Variants in CC2D2B observed in about 807,000 individuals in gnomAD.
CC2D2B encodes protein CC2D2B.
CC2D2B carries 128 observed loss-of-function variants against 161.2 expected under a neutral mutation model. That is an observed-to-expected ratio of 0.79 (90% CI 0.69 to 0.92). The LOEUF is 0.92. Among genes scored for constraint, CC2D2B ranks in the 40% least tolerant of loss-of-function variants. The pLI is 0.00. For synonymous variants in CC2D2B, 391 were observed against 449.8 expected, an observed-to-expected ratio of 0.87 and a Z score of 1.65; for missense variants, 1,173 against 1,375.1, an observed-to-expected ratio of 0.85 and a Z score of 2.32.
intron 9 of CC2D2B, among the ~76,000 whole-genome samples, chr10:95,945,324 C>T (rs2076159059): frequency 6.6e-6 from 1 of 152,092 alleles, no homozygotes; most frequent in Non-Finnish European, 1.5e-5. Context: ...GCCCAGCCAG[C>T]CTTGAAGGAA....
intron 2 of CC2D2B, chr10:95,913,457 A>G (rs765709165): frequency 1.4e-5 from 6 of 415,314 alleles, no homozygotes; most frequent in Non-Finnish European, 2.4e-5. Flanking sequence ...CAATATACTG[A>G]TTTTCTTTCC....
rs1436638238 is a variant in CC2D2B, at chr10:96,033,168, G to C, written c.*1160G>C. Reference sequence around the variant, plus strand: ...CATTGAAGAACCACTGAGGTTTCTTGGTTCACTCCCACAAGCAGAGAGCAG... The same window carrying C: ...CATTGAAGAACCACTGAGGTTTCTTCGTTCACTCCCACAAGCAGAGAGCAG... On this transcript the variant is annotated 3_prime_UTR_variant, in exon 35 of 35. Coordinates refer to ENST00000646931, the MANE Select transcript of CC2D2B (RefSeq NM_001349008.3). Among the ~76,000 whole-genome samples the C allele has an allele frequency of 6.6e-6, 1 of 152,124 alleles. No homozygotes were observed. The highest frequency in any genetic ancestry group is 1.9e-4 in the East Asian group (1 of 5,194).
rs561158812 is a variant in CC2D2B, at chr10:95,924,250, C to T, written c.98-64C>T. On this transcript the variant is annotated intron_variant, in intron 3 of 34. Transcript: ENST00000646931. ...TTAAAGAATTTAATAAATACTTTTG[C>T]TGCTATTGTTGTTTAATTATAATAA... 631 of 794,126 alleles carry T rather than the reference C, an allele frequency of 7.9e-4. 4 individuals carry two copies. The Middle Eastern group carries it at 0.013, about 16-fold the overall frequency. 49.2% of individuals were successfully genotyped at this position (794,126 alleles called of 1,614,324 possible).
intron 19 of CC2D2B, among the ~76,000 whole-genome samples, chr10:95,987,149 C>A (rs1356075169): frequency 1.3e-5 from 2 of 151,768 alleles, no homozygotes; most frequent in Non-Finnish European, 2.9e-5. Context: ...ATGGTGAGAC[C>A]CTCGTCTCTA....
intron 6 of CC2D2B, among the ~76,000 whole-genome samples, chr10:95,930,745 G>C: frequency 6.6e-6 from 1 of 152,234 alleles, no homozygotes; most frequent in Non-Finnish European, 1.5e-5. Context: ...CCCACTGATC[G>C]TGGTGGATAA....
chr10:95,986,188 G>A (rs1010989100), intron 19 of CC2D2B, among the ~76,000 whole-genome samples: 60 of 150,592 alleles, frequency 4.0e-4, no homozygotes, highest in South Asian at 2.1e-3. Context: ...AAAACTTGCT[G>A]GTTTTACGGC....
chr10:95,936,764 C>T (rs533876014), intron 6 of CC2D2B, among the ~76,000 whole-genome samples: 1 of 152,200 alleles, frequency 6.6e-6, no homozygotes, highest in South Asian at 2.1e-4. Context: ...AAAAAAAGAC[C>T]CACAGAGTCA....
intron 22 of CC2D2B, among the ~76,000 whole-genome samples, chr10:95,993,899 AATGTGTG>A (rs2078078190): frequency 1.8e-5 from 1 of 55,494 alleles, no homozygotes; most frequent in African/African-American, 6.4e-5. Flanking sequence ...AGAGAGAGAG[AATGTGTG>A]TGTGTGTGTG....
Position 96,031,888 on chromosome 10 carries a change from T to G in CC2D2B, c.4194T>G (p.Thr1398=). The G allele has an allele frequency of 6.2e-7, 1 of 1,613,764 alleles. No individual in the cohort carries two copies. The highest frequency in any genetic ancestry group is 2.2e-5 in the East Asian group (1 of 44,884). ...VQSIIDAVYQ[T]GIHSAEFPQT... ...CAATTATTGATGCTGTTTATCAAAC[T>G]GGAATTCACTCTGCTGAATTTCCCC... The change falls in exon 35 of 35, where the codon ACT becomes ACG. Residue 1398 remains threonine, a synonymous_variant. Coordinates refer to ENST00000646931, the MANE Select transcript of CC2D2B (RefSeq NM_001349008.3).
At chr10:96,015,993 G>A (rs2141886139) in intron 29 of CC2D2B, among the ~76,000 whole-genome samples, 1 of 152,252 alleles carries the variant, frequency 6.6e-6, no homozygotes, top group Non-Finnish European at 1.5e-5. Flanking sequence ...AATAAAGGTG[G>A]CCCCAATGCT....
intron 17 of CC2D2B, among the ~76,000 whole-genome samples, chr10:95,976,351 T>A (rs1197005436): frequency 1.3e-5 from 2 of 152,202 alleles, no homozygotes; most frequent in Non-Finnish European, 2.9e-5. Flanking sequence ...TTGTCTCCGT[T>A]GTCTTACAAT....
chr10:95,907,825 G>T (rs41291578), upstream of CC2D2B: 6,105 of 152,672 alleles, frequency 0.04, 172 homozygotes, highest in Middle Eastern at 0.11. Context: ...CCCCGGCGGC[G>T]AACAGACTTG....
chr10:96,033,500 T>C lies in CC2D2B; in HGVS notation c.*1492T>C, dbSNP rs1436985077. Among the ~76,000 whole-genome samples the C allele has an allele frequency of 1.3e-5, 2 of 152,214 alleles. No homozygotes were observed. Among genetic ancestry groups the C allele is most frequent in the African/African-American group, 2.4e-5 (1 of 41,462 alleles). On this transcript the variant is annotated 3_prime_UTR_variant, in exon 35 of 35. Coordinates refer to ENST00000646931, the MANE Select transcript of CC2D2B (RefSeq NM_001349008.3). ...TAAACAAGTCCCCCACTTTGATTGATTTAGCACAAAATGATGCTGATGGAA... is the reference window on the plus strand; with the variant it reads ...TAAACAAGTCCCCCACTTTGATTGACTTAGCACAAAATGATGCTGATGGAA...
At chr10:96,006,866 G>C (rs867675365) in intron 25 of CC2D2B, among the ~76,000 whole-genome samples, 1 of 152,058 alleles carries the variant, frequency 6.6e-6, no homozygotes, top group East Asian at 1.9e-4. Context: ...ACACATTATA[G>C]CTCCAGATAT....
At chr10:96,010,767 A>G (rs892655017) in intron 26 of CC2D2B, among the ~76,000 whole-genome samples, 7 of 152,178 alleles carry the variant, frequency 4.6e-5, no homozygotes, top group African/African-American at 1.7e-4. Context: ...GAATTTGTCA[A>G]GAAAATAAGG....
intron 10 of CC2D2B, 35 bp downstream of exon 10, chr10:95,950,140 A>C (rs1201106781): frequency 2.5e-6 from 1 of 398,484 alleles, no homozygotes; most frequent in African/African-American, 2.1e-5. Flanking sequence ...CTAAACATTT[A>C]ATATTGAAAA....
At chr10:95,962,019 T>G in intron 12 of CC2D2B, 50 bp downstream of exon 12, 2 of 1,209,808 alleles carry the variant, frequency 1.7e-6, no homozygotes, top group Non-Finnish European at 2.1e-6. Context: ...GAACTTCTCA[T>G]GAATAACTGG....
intron 24 of CC2D2B, among the ~76,000 whole-genome samples, chr10:95,996,483 A>G (rs1019810242): frequency 1.3e-5 from 2 of 152,182 alleles, no homozygotes; most frequent in African/African-American, 2.4e-5. Flanking sequence ...ATGAATATCT[A>G]TGTATTTACC....
chr10:95,947,113 A>ATATTTTTTTTTTTTTT (rs1289243570), intron 9 of CC2D2B, among the ~76,000 whole-genome samples: 1 of 48,376 alleles, frequency 2.1e-5, no homozygotes, highest in African/African-American at 9.4e-5. Context: ...ATATATATAT[A>ATATTTTTTTTTTTTTT]TTTTTTTTTT....
Sources: allele counts gnomAD v4.1 joint callset (sites outside exome capture counted in the v4.1 genomes callset), GRCh38; gene constraint gnomAD v4.1.1; transcripts MANE v1.5; gene names NCBI Gene and HGNC (gene_info 2026-07-23, HGNC 2026-07-21).